Variants in CADM2 observed in about 807,000 individuals in gnomAD.
CADM2 encodes the protein immunoglobulin superfamily member 4D.
CADM2 carries 12 observed loss-of-function variants against 49.8 expected under a neutral mutation model. The ratio of observed to expected loss-of-function variants is 0.24; its 90% CI spans 0.15 to 0.39. The LOEUF is 0.39. Among genes scored for constraint, CADM2 ranks in the 10% least tolerant of loss-of-function variants. The pLI is 1.00. For synonymous variants in CADM2, 214 were observed against 175.4 expected, an observed-to-expected ratio of 1.22 and a Z score of -1.74; for missense variants, 378 against 492.3, an observed-to-expected ratio of 0.77 and a Z score of 2.20.
chr3:85,449,220 A>G (rs78284736), intron 1 of CADM2, among the ~76,000 whole-genome samples: 1 of 151,544 alleles, frequency 6.6e-6, no homozygotes, highest in Admixed American at 6.6e-5. Flanking sequence ...TGCTATTAAG[A>G]AAAAAAGGCC....
At chr3:85,629,632 G>A (rs537663800) in intron 1 of CADM2, among the ~76,000 whole-genome samples, 11 of 152,016 alleles carry the variant, frequency 7.2e-5, no homozygotes, top group African/African-American at 2.6e-4. Context: ...CTTCACAATA[G>A]AACTATGAAG....
chr3:85,471,089 A>G (rs1258093977), intron 1 of CADM2, among the ~76,000 whole-genome samples: 1 of 152,190 alleles, frequency 6.6e-6, no homozygotes, highest in Non-Finnish European at 1.5e-5. Flanking sequence ...ATTTCAAAAT[A>G]TACTATTTTA....
chr3:85,482,412 A>G (rs1341910610), intron 1 of CADM2, among the ~76,000 whole-genome samples: 1 of 151,732 alleles, frequency 6.6e-6, no homozygotes, highest in Non-Finnish European at 1.5e-5. Flanking sequence ...AATTAAAGCC[A>G]TTTTTTAGTT....
At chr3:85,445,117 C>A (rs9821041) in intron 1 of CADM2, among the ~76,000 whole-genome samples, 1 of 151,870 alleles carries the variant, frequency 6.6e-6, no homozygotes, top group Non-Finnish European at 1.5e-5. Flanking sequence ...TTTTTGATAT[C>A]TTCGTTTTGT....
intron 1 of CADM2, among the ~76,000 whole-genome samples, chr3:85,179,665 G>A (rs1044718955): frequency 2.0e-5 from 3 of 151,878 alleles, no homozygotes; most frequent in Non-Finnish European, 4.4e-5. Flanking sequence ...TTTCAAATTC[G>A]TATATTGAGG....
intron 1 of CADM2, among the ~76,000 whole-genome samples, chr3:85,540,179 T>C (rs1222650251): frequency 2.0e-5 from 3 of 152,282 alleles, no homozygotes; most frequent in Non-Finnish European, 4.4e-5. Context: ...ATATTCATTT[T>C]CATCAAAATC....
At chr3:85,059,169 G>A (rs1015313609) in intron 1 of CADM2, among the ~76,000 whole-genome samples, 2 of 151,890 alleles carry the variant, frequency 1.3e-5, no homozygotes, top group Non-Finnish European at 2.9e-5. Flanking sequence ...AACCCGGGAG[G>A]TGGAGCTTGC....
intron 1 of CADM2, among the ~76,000 whole-genome samples, chr3:85,270,689 C>T (rs2043220215): frequency 6.6e-6 from 1 of 151,086 alleles, no homozygotes; most frequent in Admixed American, 6.6e-5. Context: ...GCAGAAGGAA[C>T]TCGAATATCT....
intron 1 of CADM2, among the ~76,000 whole-genome samples, chr3:85,232,196 G>A (rs1379771248): frequency 1.3e-5 from 2 of 151,186 alleles, no homozygotes; most frequent in South Asian, 2.1e-4. Context: ...AGGGTGAAAT[G>A]TTCTCTTATT....
chr3:85,619,355 A>T (rs1449493546), intron 1 of CADM2, among the ~76,000 whole-genome samples: 1 of 145,246 alleles, frequency 6.9e-6, no homozygotes. Flanking sequence ...TTTCAAAAAG[A>T]AAAAAAAAGG....
intron 1 of CADM2, among the ~76,000 whole-genome samples, chr3:85,269,640 A>G (rs2043193143): frequency 6.6e-6 from 1 of 151,242 alleles, no homozygotes; most frequent in African/African-American, 2.4e-5. Context: ...TGAGTCAGAG[A>G]TCATTCTACT....
chr3:85,255,142 T>C (rs1047143675), intron 1 of CADM2, among the ~76,000 whole-genome samples: 1 of 152,056 alleles, frequency 6.6e-6, no homozygotes, highest in Non-Finnish European at 1.5e-5. Context: ...AGCACTAACA[T>C]GTAACCAATT....
chr3:85,061,253 G>A (rs1377231259), intron 1 of CADM2, among the ~76,000 whole-genome samples: 1 of 151,976 alleles, frequency 6.6e-6, no homozygotes, highest in African/African-American at 2.4e-5. Flanking sequence ...AACATAGAAT[G>A]TTCATTGCCA....
intron 1 of CADM2, among the ~76,000 whole-genome samples, chr3:85,430,290 G>A (rs771859582): frequency 2.6e-5 from 4 of 151,994 alleles, no homozygotes; most frequent in Non-Finnish European, 5.9e-5. Context: ...AAAAATAATG[G>A]ACAAATAAAT....
At chr3:85,305,195 A>C (rs2044185086) in intron 1 of CADM2, among the ~76,000 whole-genome samples, 1 of 151,624 alleles carries the variant, frequency 6.6e-6, no homozygotes, top group Non-Finnish European at 1.5e-5. Context: ...TCCTGAAAGC[A>C]AGACATTTAA....
At chr3:85,471,485 C>T (rs1576615792) in intron 1 of CADM2, among the ~76,000 whole-genome samples, 1 of 151,978 alleles carries the variant, frequency 6.6e-6, no homozygotes. Context: ...GTAGGTGGAC[C>T]ATAAGCAATC....
chr3:85,769,538 CACGTATATACA>C (rs2069930171), intron 2 of CADM2, among the ~76,000 whole-genome samples: 1 of 112,600 alleles, frequency 8.9e-6, no homozygotes, highest in Non-Finnish European at 1.7e-5. Context: ...TGTATATATA[CACGTATATACA>C]TATATGTATA....
Position 85,240,481 on chromosome 3 carries a change from T to A in CADM2, c.61+280813T>A, listed in dbSNP as rs556529712. 4.6e-5 allele frequency among the ~76,000 whole-genome samples: 7 copies of A among 151,632 alleles called. No homozygotes were observed. In the East Asian group the frequency reaches 9.6e-4, roughly 21 times the overall value. ...AGACCAACATCAACAACATATTCAA[T>A]CATAATATATTATCAGACTAGGTTA... On this transcript the variant is annotated intron_variant, in intron 1 of 9. Coordinates refer to ENST00000383699, the MANE Select transcript of CADM2 (RefSeq NM_001167675.2).
intron 1 of CADM2, among the ~76,000 whole-genome samples, chr3:85,243,846 T>G (rs921775714): frequency 1.3e-5 from 2 of 152,072 alleles, no homozygotes; most frequent in African/African-American, 4.8e-5. Flanking sequence ...AGGACAAAAT[T>G]CAGATAATTT....
Sources: gnomAD v4.1 joint callset for allele counts (sites outside exome capture counted in the v4.1 genomes callset) on GRCh38, gnomAD v4.1.1 for gene constraint, MANE v1.5 for transcripts, NCBI Gene and HGNC (gene_info 2026-07-23, HGNC 2026-07-21) for gene names.